The following TAFA5 variants were observed in gnomAD, a reference collection of about 807,000 sequenced individuals.
The protein encoded by TAFA5 is chemokine-like protein TAFA-5.
TAFA5 carries 6 observed loss-of-function variants against 15.3 expected under a neutral mutation model. The observed-to-expected ratio is 0.39, with a 90% confidence interval of 0.21 to 0.77. The LOEUF is 0.77. Among genes scored for constraint, TAFA5 ranks in the 30% least tolerant of loss-of-function variants. TAFA5 has a pLI of 0.41. For synonymous variants in TAFA5, 103 were observed against 80.7 expected, an observed-to-expected ratio of 1.28 and a Z score of -1.48; for missense variants, 161 against 193.1, an observed-to-expected ratio of 0.83 and a Z score of 0.98.
chr22:48,634,566 T>TACTCAGTCACTGATTCACCC (rs1169958089), intron 1 of TAFA5, among the ~76,000 whole-genome samples: 12 of 152,100 alleles, frequency 7.9e-5, no homozygotes, highest in African/African-American at 2.4e-4. Flanking sequence ...TTCACTGATT[T>TACTCAGTCACTGATTCACCC]ACTCAGTCAC....
chr22:48,672,425 T>C (rs1927830338), intron 2 of TAFA5, among the ~76,000 whole-genome samples: 1 of 152,254 alleles, frequency 6.6e-6, no homozygotes, highest in African/African-American at 2.4e-5. Flanking sequence ...TTAGCTTTTT[T>C]GAACGTATCC....
intron 2 of TAFA5, among the ~76,000 whole-genome samples, chr22:48,657,659 T>C (rs552495051): frequency 2.0e-5 from 3 of 152,226 alleles, no homozygotes; most frequent in African/African-American, 7.2e-5. Context: ...GGCACGTGTC[T>C]CTCCTGCAGC....
intron 1 of TAFA5, among the ~76,000 whole-genome samples, chr22:48,513,639 G>A (rs545403866): frequency 2.1e-3 from 327 of 152,344 alleles, no homozygotes; most frequent in African/African-American, 7.5e-3. Context: ...GCAGGCCTGT[G>A]CGGCCCCAGA....
At chr22:48,692,820 T>G (rs1284403278) in intron 2 of TAFA5, among the ~76,000 whole-genome samples, 4 of 152,236 alleles carry the variant, frequency 2.6e-5, no homozygotes, top group African/African-American at 9.6e-5. Context: ...AGCAGCCGTG[T>G]GTCCTCAGTC....
intron 2 of TAFA5, among the ~76,000 whole-genome samples, chr22:48,680,600 C>T (rs130097): frequency 0.66 from 99,650 of 151,988 alleles, 33,723 homozygotes; most frequent in Non-Finnish European, 0.74. Context: ...TGCCCCTGGA[C>T]AGGGCAGCCT....
intron 2 of TAFA5, among the ~76,000 whole-genome samples, chr22:48,676,658 G>C (rs1927981373): frequency 6.6e-6 from 1 of 152,236 alleles, no homozygotes; most frequent in African/African-American, 2.4e-5. Flanking sequence ...GGCTGAGATA[G>C]CTGGAGCCAC....
chr22:48,610,529 G>A (rs951279447), intron 1 of TAFA5, among the ~76,000 whole-genome samples: 4 of 151,614 alleles, frequency 2.6e-5, no homozygotes, highest in African/African-American at 7.3e-5. Flanking sequence ...TCCCCAGCAC[G>A]GAGGAGCAGA....
At chr22:48,511,405 G>A (rs550961799) in intron 1 of TAFA5, among the ~76,000 whole-genome samples, 3 of 152,280 alleles carry the variant, frequency 2.0e-5, no homozygotes, top group East Asian at 1.9e-4. Context: ...GGGGCTGTGC[G>A]TCTGCAGGGA....
intron 1 of TAFA5, among the ~76,000 whole-genome samples, chr22:48,522,672 G>T (rs545047985): frequency 1.3e-5 from 2 of 152,326 alleles, no homozygotes; most frequent in African/African-American, 4.8e-5. Flanking sequence ...TCACAGCCCA[G>T]GCCATGGGAG....
chr22:48,663,809 C>T (rs1004027194), intron 2 of TAFA5, among the ~76,000 whole-genome samples: 2 of 152,176 alleles, frequency 1.3e-5, no homozygotes, highest in Non-Finnish European at 2.9e-5. Context: ...GGTTATCAGA[C>T]GGACTGTCGT....
chr22:48,659,305 C>T (rs1434062671), intron 2 of TAFA5, among the ~76,000 whole-genome samples: 3 of 152,220 alleles, frequency 2.0e-5, no homozygotes, highest in Non-Finnish European at 4.4e-5. Context: ...AGGAGGTCTA[C>T]GGGGACCGTC....
At chr22:48,546,684 G>A (rs1922685226) in intron 1 of TAFA5, 10 of 448,454 alleles carry the variant, frequency 2.2e-5, no homozygotes, top group South Asian at 1.3e-4. Context: ...CGCAGGATGG[G>A]GGGCTCACCT....
chr22:48,612,645 C>T (rs191610597), intron 1 of TAFA5, among the ~76,000 whole-genome samples: 96 of 152,284 alleles, frequency 6.3e-4, no homozygotes, highest in African/African-American at 2.1e-3. Context: ...CTCCCTTTCC[C>T]GGAGTGTCTC....
intron 1 of TAFA5, among the ~76,000 whole-genome samples, chr22:48,501,341 C>A (rs1441437619): frequency 1.3e-5 from 2 of 152,240 alleles, no homozygotes; most frequent in Non-Finnish European, 2.9e-5. Context: ...ACCTAAGGCC[C>A]GTTGGCCTTT....
chr22:48,663,869 C>T (rs1201100722), intron 2 of TAFA5, among the ~76,000 whole-genome samples: 1 of 152,184 alleles, frequency 6.6e-6, no homozygotes, highest in Non-Finnish European at 1.5e-5. Context: ...TTAATAATGG[C>T]CCCAAAGTGC....
chr22:48,588,305 A>G (rs991759576), intron 1 of TAFA5, among the ~76,000 whole-genome samples: 2 of 152,096 alleles, frequency 1.3e-5, no homozygotes, highest in African/African-American at 4.8e-5. Context: ...TGATCCTTGC[A>G]TGACTTTGCC....
At chr22:48,503,141 G>T (rs1438875924) in intron 1 of TAFA5, among the ~76,000 whole-genome samples, 1 of 152,196 alleles carries the variant, frequency 6.6e-6, no homozygotes, top group African/African-American at 2.4e-5. Flanking sequence ...TGAGCTGCCT[G>T]TGTGAGGAGG....
At chr22:48,594,015 G>C (rs868307690) in intron 1 of TAFA5, among the ~76,000 whole-genome samples, 2 of 152,202 alleles carry the variant, frequency 1.3e-5, no homozygotes, top group African/African-American at 4.8e-5. Context: ...ATGGTTTCCG[G>C]GGAGACCCAT....
At chr22:48,581,237 C>G (rs1321265016) in intron 1 of TAFA5, among the ~76,000 whole-genome samples, 1 of 152,190 alleles carries the variant, frequency 6.6e-6, no homozygotes, top group African/African-American at 2.4e-5. Context: ...GGTGGCTCAT[C>G]ACAGCCTTGC....
Sources: gnomAD v4.1 joint callset for allele counts (sites outside exome capture counted in the v4.1 genomes callset) on GRCh38, gnomAD v4.1.1 for gene constraint, MANE v1.5 for transcripts, NCBI Gene and HGNC (gene_info 2026-07-23, HGNC 2026-07-21) for gene names.